PTGES3: variants seen among roughly 807,000 people sequenced by gnomAD.
PTGES3 encodes Hsp90 co-chaperone.
PTGES3 carries 5 observed loss-of-function variants against 29.9 expected under a neutral mutation model. That is an observed-to-expected ratio of 0.17 (90% CI 0.09 to 0.35). The LOEUF (loss-of-function observed/expected upper bound fraction) is 0.35, where lower values mean the gene tolerates loss of function less well. Among genes scored for constraint, PTGES3 ranks in the 10% least tolerant of loss-of-function variants. The probability of loss-of-function intolerance (pLI) is 1.00; values close to 1 mark genes in which losing one functional copy is unlikely to be tolerated. For synonymous variants in PTGES3, 49 were observed against 57.8 expected (o/e 0.85, Z 0.69); for missense variants, 128 against 190.0 (o/e 0.67, Z 1.92).
At chr12:56,676,712 A>G (rs1952267187) in intron 1 of PTGES3, among the ~76,000 whole-genome samples, 3 of 152,028 alleles carry the variant, frequency 2.0e-5, no homozygotes, top group Admixed American at 2.0e-4. Context: ...CAAGGCAGGT[A>G]AATCACTTGA....
chr12:56,668,504 T>G (rs1481603595), intron 5 of PTGES3, among the ~76,000 whole-genome samples: 1 of 152,206 alleles, frequency 6.6e-6, no homozygotes, highest in East Asian at 1.9e-4. Flanking sequence ...TTTGGGAAGC[T>G]GAGGCAGGAG....
At chr12:56,665,968 A>T in intron 6 of PTGES3, 2 of 1,254,026 alleles carry the variant, frequency 1.6e-6, no homozygotes, top group South Asian at 2.1e-5. Flanking sequence ...TAATGTCTCT[A>T]TACAATGATT....
At chr12:56,675,932 C>T (rs1952218332) in intron 1 of PTGES3, among the ~76,000 whole-genome samples, 1 of 151,534 alleles carries the variant, frequency 6.6e-6, no homozygotes, top group African/African-American at 2.4e-5. Flanking sequence ...CAAAACACAA[C>T]ACAAAAACTG....
intron 1 of PTGES3, chr12:56,687,590 G>A: frequency 1.9e-6 from 2 of 1,065,982 alleles, no homozygotes; most frequent in Non-Finnish European, 2.3e-6. Flanking sequence ...CTCAGGGCCT[G>A]GCCCCGGGAC....
Position 56,679,295 on chromosome 12 carries a change from T to C in PTGES3, c.3-6230A>G, listed in dbSNP as rs1012853341. On this transcript the variant is annotated intron_variant, in intron 1 of 7. Coordinates refer to ENST00000262033, the MANE Select transcript of PTGES3 (RefSeq NM_006601.7). ...ATGGTAGCATACCTGTAATCCCAGC[T>C]ACTTGGGAGGCTGAGACATGAGAAT... 6.0e-5 allele frequency among the ~76,000 whole-genome samples: 9 copies of C among 150,416 alleles called. No homozygotes were observed. In the Admixed American group the frequency reaches 6.1e-4, roughly 10 times the overall value.
At chr12:56,668,767 T>C (rs973461168) in intron 5 of PTGES3, among the ~76,000 whole-genome samples, 2 of 152,214 alleles carry the variant, frequency 1.3e-5, no homozygotes, top group Non-Finnish European at 2.9e-5. Flanking sequence ...CAAAATCTAG[T>C]TAATGAAAAA....
chr12:56,686,450 C>G (rs890878521), intron 1 of PTGES3, among the ~76,000 whole-genome samples: 1 of 152,006 alleles, frequency 6.6e-6, no homozygotes, highest in Non-Finnish European at 1.5e-5. Context: ...CTCGGCTCAC[C>G]GCAACCTCCA....
chr12:56,687,393 G>C, intron 1 of PTGES3: 14 of 987,686 alleles, frequency 1.4e-5, no homozygotes, highest in Non-Finnish European at 1.6e-5. Flanking sequence ...AGAGACTGGA[G>C]TTAGGAGGCG....
chr12:56,667,679 G>A (rs1480598213), intron 5 of PTGES3, among the ~76,000 whole-genome samples: 1 of 152,192 alleles, frequency 6.6e-6, no homozygotes, highest in Admixed American at 6.6e-5. Flanking sequence ...CCAGGAGCTG[G>A]GGGGAAGGAA....
intron 1 of PTGES3, among the ~76,000 whole-genome samples, chr12:56,684,836 A>T (rs2290893): frequency 6.6e-6 from 1 of 151,958 alleles, no homozygotes; most frequent in Non-Finnish European, 1.5e-5. Flanking sequence ...ACAAACTTTT[A>T]TAACTTAGGA....
chr12:56,687,387 A>C, intron 1 of PTGES3: 9 of 987,500 alleles, frequency 9.1e-6, no homozygotes, highest in Non-Finnish European at 1.1e-5. Flanking sequence ...TTTTCAAGAG[A>C]CTGGAGTTAG....
At chr12:56,675,181 T>C (rs1952180149) in intron 1 of PTGES3, among the ~76,000 whole-genome samples, 1 of 151,502 alleles carries the variant, frequency 6.6e-6, no homozygotes, top group Admixed American at 6.6e-5. Context: ...GTACCTGTAG[T>C]CCCAGCTATT....
intron 7 of PTGES3, 61 bp downstream of exon 7, chr12:56,664,715 T>C (rs1592234665): frequency 6.5e-7 from 1 of 1,539,740 alleles, no homozygotes; most frequent in East Asian, 2.3e-5. Context: ...ACATCTCTAT[T>C]TTGAGTTTGT....
intron 1 of PTGES3, among the ~76,000 whole-genome samples, chr12:56,675,119 G>A (rs979066782): frequency 6.6e-6 from 1 of 150,384 alleles, no homozygotes; most frequent in African/African-American, 2.4e-5. Context: ...GGCCAATATA[G>A]TAAAACCCCG....
At chr12:56,684,604 G>A (rs778502697) in intron 1 of PTGES3, among the ~76,000 whole-genome samples, 6 of 152,116 alleles carry the variant, frequency 3.9e-5, no homozygotes, top group African/African-American at 7.2e-5. Context: ...CAAGACATTA[G>A]ACAGGAAAAA....
rs568185776 is a variant in PTGES3 at position 56,665,439 on chromosome 12, C to T, written c.439-639G>A. The stretch of plus-strand genomic sequence containing the variant: ...CCTCCCAAGTAGCTGGGATTACAGG[C>T]ACCCGCCACCATGCCCGGCTAATTT... On this transcript the variant is annotated intron_variant, in intron 6 of 7. Transcript: ENST00000262033. 4 of 877,622 alleles carry T rather than the reference C, an allele frequency of 4.6e-6. No homozygotes were observed. In the South Asian group the frequency reaches 2.1e-4, roughly 46 times the overall value. 54.4% of individuals were successfully genotyped at this position (877,622 alleles called of 1,614,324 possible).
intron 5 of PTGES3, among the ~76,000 whole-genome samples, chr12:56,667,274 T>C (rs887566147): frequency 3.9e-5 from 6 of 152,192 alleles, no homozygotes. Context: ...TGATTTAAAC[T>C]TAAACTATTA....
chr12:56,683,853 G>T (rs1425355255), intron 1 of PTGES3, among the ~76,000 whole-genome samples: 1 of 149,248 alleles, frequency 6.7e-6, no homozygotes, highest in Non-Finnish European at 1.5e-5. Context: ...CAGCTACTCG[G>T]GAGGCTGAGG....
chr12:56,687,952 C>A, intron 1 of PTGES3, 46 bp downstream of exon 1: 3 of 1,603,170 alleles, frequency 1.9e-6, no homozygotes, highest in Non-Finnish European at 2.6e-6. Context: ...CCAACGCGGC[C>A]TCGGCCTCAC....
Sources: allele counts gnomAD v4.1 joint callset (sites outside exome capture counted in the v4.1 genomes callset), GRCh38; gene constraint gnomAD v4.1.1; transcripts MANE v1.5; gene names NCBI Gene and HGNC (gene_info 2026-07-23, HGNC 2026-07-21).